The following TIAM1 variants were observed in gnomAD, a reference collection of about 807,000 sequenced individuals.
TIAM1 encodes the protein rho guanine nucleotide exchange factor TIAM1.
TIAM1 carries 65 observed loss-of-function variants against 163.5 expected under a neutral mutation model. The ratio of observed to expected loss-of-function variants is 0.40; its 90% CI spans 0.33 to 0.49. TIAM1 has a LOEUF of 0.49. Among genes scored for constraint, TIAM1 ranks in the 20% least tolerant of loss-of-function variants. The pLI is 0.77. For synonymous variants in TIAM1, 833 were observed against 810.1 expected, an observed-to-expected ratio of 1.03 and a Z score of -0.48; for missense variants, 1,789 against 2,044.7, an observed-to-expected ratio of 0.87 and a Z score of 2.41.
At chr21:31,189,684 TC>T (rs570135299) in intron 13 of TIAM1, among the ~76,000 whole-genome samples, 17 of 152,068 alleles carry the variant, frequency 1.1e-4, no homozygotes, top group Non-Finnish European at 2.1e-4. Context: ...CTTTCACTGT[TC>T]CAGGTAGGCA....
chr21:31,202,950 C>T lies in TIAM1; in HGVS notation c.2451G>A (p.Met817Ile). 1 of 1,614,122 alleles carries T rather than the reference C, an allele frequency of 6.2e-7. No individual in the cohort carries two copies. Among genetic ancestry groups the T allele is most frequent in the Non-Finnish European group, 8.5e-7 (1 of 1,180,024 alleles). ...LRLKFLIENK[M>I]QLYVPQPEED... The stretch of plus-strand genomic sequence containing the variant: ...CCTCGGGCTGTGGAACATAGAGCTG[C>T]ATTTTGTTTTCTATTAGAAATTTCA... The change falls in exon 12 of 28, where the codon ATG (methionine) becomes ATA (isoleucine). Residue 817 changes from methionine to isoleucine, a missense_variant. By Grantham distance (10) the Met-to-Ile change is conservative. Around this residue, in one of 5 missense-constraint regions of TIAM1, gnomAD observed 456 missense variants for 586.6 expected, o/e 0.78. Coordinates refer to ENST00000541036, the MANE Select transcript of TIAM1 (RefSeq NM_001353694.2).
intron 13 of TIAM1, among the ~76,000 whole-genome samples, chr21:31,189,015 C>T (rs534931517): frequency 6.9e-6 from 1 of 145,450 alleles, no homozygotes; most frequent in Non-Finnish European, 1.5e-5. Context: ...GACATGGAGA[C>T]ACCTCAGGTA....
intron 3 of TIAM1, among the ~76,000 whole-genome samples, chr21:31,274,828 G>A (rs936367654): frequency 2.6e-5 from 4 of 152,126 alleles, no homozygotes; most frequent in African/African-American, 4.8e-5. Flanking sequence ...TTAAGATGTG[G>A]CTGGGGGCGG....
chr21:31,202,988 G>A lies in TIAM1; in HGVS notation c.2413C>T (p.His805Tyr), dbSNP rs2086278150. 3.7e-6 allele frequency: 6 copies of A among 1,613,886 alleles called. No homozygotes were observed. Among genetic ancestry groups the A allele is most frequent in the Non-Finnish European group, 5.1e-6 (6 of 1,180,008 alleles). ...ATTAGAAATTTCAGGCGCAGGTAAT[G>A]AGCAGAATGATCCAGTTGATGTGTC... Reference protein sequence around the residue: ...CKTHQLDHSAHYLRLKFLIEN... With the variant: ...CKTHQLDHSAYYLRLKFLIEN... The change falls in exon 12 of 28, where the codon CAT (histidine) becomes TAT (tyrosine). Residue 805 changes from histidine (H) to tyrosine (Y), a missense_variant. Physicochemically the swap from His to Tyr is moderately conservative, Grantham distance 83 (BLOSUM62 2). This residue lies in a region of TIAM1 where 456 missense variants were observed against 586.6 expected (regional missense o/e 0.78). Coordinates refer to ENST00000541036, the MANE Select transcript of TIAM1 (RefSeq NM_001353694.2).
At chr21:31,555,522 T>TGA (rs965429846) in intron 1 of TIAM1, among the ~76,000 whole-genome samples, 65 of 152,246 alleles carry the variant, frequency 4.3e-4, no homozygotes, top group African/African-American at 1.4e-3. Context: ...ACCACGAGCC[T>TGA]GAGTCCGTGG....
At chr21:31,492,666 AC>A (rs1397391153) in intron 1 of TIAM1, among the ~76,000 whole-genome samples, 1 of 151,988 alleles carries the variant, frequency 6.6e-6, no homozygotes, top group Non-Finnish European at 1.5e-5. Flanking sequence ...CTGTGCCCCG[AC>A]CACCTTGGGC....
At chr21:31,365,993 CA>C (rs1486129804) in intron 2 of TIAM1, among the ~76,000 whole-genome samples, 5 of 144,112 alleles carry the variant, frequency 3.5e-5, no homozygotes, top group Non-Finnish European at 7.4e-5. Flanking sequence ...GAGGCTGAGG[CA>C]GGAGAATCAC....
intron 17 of TIAM1, 46 bp from the exon 18 acceptor site, chr21:31,153,180 T>A (rs1458977079): frequency 6.8e-7 from 1 of 1,474,808 alleles, no homozygotes; most frequent in Non-Finnish European, 9.4e-7. Context: ...TTTTATTTTT[T>A]ATATACCCTA....
chr21:31,455,569 C>A (rs1007680666), intron 2 of TIAM1, among the ~76,000 whole-genome samples: 1 of 151,946 alleles, frequency 6.6e-6, no homozygotes, highest in Non-Finnish European at 1.5e-5. Flanking sequence ...CCTGCCATGA[C>A]GCCCAGCTAA....
chr21:31,411,568 C>A (rs2077358829), intron 2 of TIAM1, among the ~76,000 whole-genome samples: 1 of 151,484 alleles, frequency 6.6e-6, no homozygotes, highest in South Asian at 2.1e-4. Flanking sequence ...CTCTGCCTCC[C>A]AGGTTCAAGC....
At chr21:31,272,385 C>T (rs1453021898) in intron 3 of TIAM1, among the ~76,000 whole-genome samples, 4 of 150,920 alleles carry the variant, frequency 2.7e-5, no homozygotes, top group Admixed American at 2.0e-4. Context: ...TACACAAATA[C>T]TTATTAGTTA....
At chr21:31,503,524 A>G (rs1308543126) in intron 1 of TIAM1, among the ~76,000 whole-genome samples, 1 of 111,646 alleles carries the variant, frequency 9.0e-6, no homozygotes, top group Non-Finnish European at 1.8e-5. Context: ...AGAGAAAGAG[A>G]AAGGAAGGAA....
intron 2 of TIAM1, among the ~76,000 whole-genome samples, chr21:31,310,969 G>A (rs2074903244): frequency 6.6e-6 from 1 of 152,098 alleles, no homozygotes; most frequent in Non-Finnish European, 1.5e-5. Context: ...ACAAAGGGCC[G>A]CATTCCAATT....
intron 2 of TIAM1, among the ~76,000 whole-genome samples, chr21:31,299,268 C>T (rs2074412436): frequency 6.6e-6 from 1 of 152,190 alleles, no homozygotes; most frequent in Non-Finnish European, 1.5e-5. Flanking sequence ...AATGCCCCTC[C>T]CCTATGCCTT....
At chr21:31,192,695 G>A (rs966067943) in intron 13 of TIAM1, among the ~76,000 whole-genome samples, 4 of 152,058 alleles carry the variant, frequency 2.6e-5, no homozygotes, top group African/African-American at 9.7e-5. Flanking sequence ...CTTTCCACCG[G>A]GAACTTTGTT....
chr21:31,532,707 G>T (rs2048009317), intron 1 of TIAM1, among the ~76,000 whole-genome samples: 1 of 152,266 alleles, frequency 6.6e-6, no homozygotes, highest in Middle Eastern at 3.4e-3. Flanking sequence ...GGGTGAAGGG[G>T]CCCATTAAAA....
chr21:31,460,891 T>TA (rs1007140648), intron 2 of TIAM1, among the ~76,000 whole-genome samples: 1 of 152,242 alleles, frequency 6.6e-6, no homozygotes, highest in African/African-American at 2.4e-5. Flanking sequence ...AAAAGTCCTT[T>TA]AAATTTTCAA....
At chr21:31,287,295 G>A (rs1265727632) in intron 2 of TIAM1, among the ~76,000 whole-genome samples, 1 of 152,206 alleles carries the variant, frequency 6.6e-6, no homozygotes, top group African/African-American at 2.4e-5. Flanking sequence ...GTAAGACAGA[G>A]TATCTATGTA....
intron 2 of TIAM1, among the ~76,000 whole-genome samples, chr21:31,327,713 T>C (rs567704642): frequency 7.5e-6 from 1 of 134,034 alleles, no homozygotes; most frequent in South Asian, 2.5e-4. Context: ...CCTAGAGAAA[T>C]TGCAAAAATA....
Sources: gnomAD v4.1 joint callset for allele counts (sites outside exome capture counted in the v4.1 genomes callset) on GRCh38, gnomAD v4.1.1 for gene constraint, gnomAD v4.1.1 regional missense constraint, MANE v1.5 for transcripts, NCBI Gene and HGNC (gene_info 2026-07-23, HGNC 2026-07-21) for gene names.